AGBL3: variants seen among roughly 807,000 people sequenced by gnomAD.
AGBL3 encodes the protein cytosolic carboxypeptidase 3.
A neutral mutation model predicts 94.5 loss-of-function variants in AGBL3; 68 were observed. That is an observed-to-expected ratio of 0.72 (90% CI 0.59 to 0.88). The LOEUF is 0.88. AGBL3 is among the 40% of genes least tolerant of loss of function. The probability of loss-of-function intolerance (pLI) is 0.00; values close to 1 mark genes in which losing one functional copy is unlikely to be tolerated. For synonymous variants in AGBL3, 354 were observed against 370.7 expected (o/e 0.95, Z 0.52); for missense variants, 934 against 1,103.8 (o/e 0.85, Z 2.18).
chr7:135,017,322 G>C (rs1448315976), intron 5 of AGBL3, 163 bp downstream of exon 5: 1 of 593,830 alleles, frequency 1.7e-6, no homozygotes, highest in Non-Finnish European at 3.0e-6. Flanking sequence ...TTTAGAGCCA[G>C]TTATATTTTT....
At chr7:134,997,245 G>T (rs1018862251) in intron 4 of AGBL3, among the ~76,000 whole-genome samples, 1 of 152,116 alleles carries the variant, frequency 6.6e-6, no homozygotes, top group Non-Finnish European at 1.5e-5. Context: ...AGGAGACAAA[G>T]CTCAGGTGGT....
At chr7:135,048,962 T>C (rs1317238733) in intron 11 of AGBL3, among the ~76,000 whole-genome samples, 1 of 151,700 alleles carries the variant, frequency 6.6e-6, no homozygotes, top group African/African-American at 2.4e-5. Flanking sequence ...GATCTTAGAG[T>C]AAAAGCCTTC....
chr7:135,096,600 G>GATAGATAGATAGATAC (rs1563260291), intron 15 of AGBL3, among the ~76,000 whole-genome samples: 1 of 80,810 alleles, frequency 1.2e-5, no homozygotes, highest in East Asian at 4.8e-4. Context: ...TAGATAGATA[G>GATAGATAGATAGATAC]ATAGATAGAT....
chr7:135,133,911 T>A (rs1162339625), intron 16 of AGBL3, among the ~76,000 whole-genome samples: 3 of 151,844 alleles, frequency 2.0e-5, no homozygotes, highest in Non-Finnish European at 4.4e-5. Context: ...GAACTGCTGA[T>A]GCACAAAACA....
At chr7:135,128,780 C>A (rs1192833836) in intron 16 of AGBL3, 1 of 1,264,546 alleles carries the variant, frequency 7.9e-7, no homozygotes, top group Non-Finnish European at 1.1e-6. Flanking sequence ...TTTGGAGGAA[C>A]TTCTGGATCT....
chr7:135,015,740 C>A (rs1371511931), intron 4 of AGBL3, among the ~76,000 whole-genome samples: 1 of 151,702 alleles, frequency 6.6e-6, no homozygotes, highest in Non-Finnish European at 1.5e-5. Flanking sequence ...ACAGGCCGGG[C>A]ATGGTGGCTC....
chr7:135,116,800 G>A (rs541350106), intron 16 of AGBL3, among the ~76,000 whole-genome samples: 2 of 152,156 alleles, frequency 1.3e-5, no homozygotes, highest in Non-Finnish European at 2.9e-5. Context: ...GGAGTACAGT[G>A]GTTATTGCCT....
intron 6 of AGBL3, 35 bp from the exon 7 acceptor site, chr7:135,034,114 T>C: frequency 7.3e-7 from 1 of 1,361,770 alleles, no homozygotes; most frequent in Non-Finnish European, 9.6e-7. Flanking sequence ...TTTACATTCT[T>C]ACGTGCTTTT....
intron 13 of AGBL3, 77 bp from the exon 14 acceptor site, chr7:135,080,126 C>T (rs1455188327): frequency 8.9e-7 from 1 of 1,127,010 alleles, no homozygotes; most frequent in Non-Finnish European, 1.3e-6. Flanking sequence ...TGCACAATAC[C>T]ATAAATCATA....
chr7:135,076,598 T>C, intron 13 of AGBL3, 130 bp downstream of exon 13: 1 of 657,156 alleles, frequency 1.5e-6, no homozygotes, highest in Non-Finnish European at 2.6e-6. Context: ...TCATATTATC[T>C]ACTGTTTATA....
At chr7:135,102,789 G>C (rs1338454330) in intron 15 of AGBL3, among the ~76,000 whole-genome samples, 1 of 151,854 alleles carries the variant, frequency 6.6e-6, no homozygotes, top group African/African-American at 2.4e-5. Flanking sequence ...ATGGATCATA[G>C]ATCTAAATAT....
chr7:135,061,699 A>C (rs954600440), intron 12 of AGBL3, among the ~76,000 whole-genome samples: 2 of 152,020 alleles, frequency 1.3e-5, no homozygotes, highest in African/African-American at 2.4e-5. Flanking sequence ...TTGACTATAA[A>C]TGCACAGATT....
At chr7:135,029,229 G>A (rs1360471949) in intron 5 of AGBL3, among the ~76,000 whole-genome samples, 2 of 152,094 alleles carry the variant, frequency 1.3e-5, no homozygotes, top group Non-Finnish European at 2.9e-5. Context: ...TCTGAAGCAG[G>A]GCATTGACTT....
chr7:135,031,614 C>T (rs1249430616), intron 5 of AGBL3, among the ~76,000 whole-genome samples: 1 of 152,150 alleles, frequency 6.6e-6, no homozygotes, highest in Non-Finnish European at 1.5e-5. Context: ...AATTAAATTG[C>T]TGGCAGATCA....
chr7:135,130,709 T>C (rs1385449365), intron 16 of AGBL3, among the ~76,000 whole-genome samples: 1 of 152,192 alleles, frequency 6.6e-6, no homozygotes, highest in East Asian at 1.9e-4. Flanking sequence ...CAGTATAACC[T>C]GTCTATACCA....
intron 5 of AGBL3, among the ~76,000 whole-genome samples, chr7:135,032,023 T>C (rs1421949730): frequency 6.6e-6 from 1 of 152,132 alleles, no homozygotes; most frequent in Non-Finnish European, 1.5e-5. Context: ...AGCAACAATC[T>C]TTCCTCTTCA....
intron 15 of AGBL3, among the ~76,000 whole-genome samples, chr7:135,103,902 T>C (rs1270401024): frequency 6.6e-6 from 1 of 152,170 alleles, no homozygotes; most frequent in Non-Finnish European, 1.5e-5. Flanking sequence ...TGTAAGGATG[T>C]TCATCATGGT....
At chr7:135,110,379 A>C (rs2117129018) in intron 15 of AGBL3, among the ~76,000 whole-genome samples, 1 of 152,098 alleles carries the variant, frequency 6.6e-6, no homozygotes, top group African/African-American at 2.4e-5. Context: ...TTGCTGGGAA[A>C]CCCGAGTATC....
chr7:135,078,163 T>C (rs1290124516), intron 13 of AGBL3, among the ~76,000 whole-genome samples: 1 of 152,202 alleles, frequency 6.6e-6, no homozygotes, highest in Non-Finnish European at 1.5e-5. Context: ...ACTATCCTTT[T>C]GAAGAAGTTT....
Sources: gnomAD v4.1 joint callset for allele counts (sites outside exome capture counted in the v4.1 genomes callset) on GRCh38, gnomAD v4.1.1 for gene constraint, MANE v1.5 for transcripts, NCBI Gene and HGNC (gene_info 2026-07-23, HGNC 2026-07-21) for gene names.